The following MOCOS variants were observed in gnomAD, a reference collection of about 807,000 sequenced individuals.
The protein encoded by MOCOS is molybdenum cofactor sulfurase, also known as human molybdenum cofactor sulfurase.
In MOCOS, 86 loss-of-function variants were observed where a neutral mutation model predicts 83.6. That is an observed-to-expected ratio of 1.03 (90% CI 0.86 to 1.23). The LOEUF is 1.23. MOCOS is among the 50% of genes most tolerant of loss of function. The pLI is 0.00. For missense variants in MOCOS, 1,120 were observed against 1,126.9 expected (o/e 0.99, Z 0.09); for synonymous variants, 445 against 434.7 (o/e 1.02, Z -0.29).
chr18:36,252,245 G>A (rs914732105), intron 11 of MOCOS, among the ~76,000 whole-genome samples: 2 of 152,148 alleles, frequency 1.3e-5, no homozygotes, highest in African/African-American at 2.4e-5. Context: ...TAGAGTTTGG[G>A]TGTGGTAGCT....
intron 9 of MOCOS, among the ~76,000 whole-genome samples, chr18:36,220,832 G>A (rs2091493368): frequency 6.6e-6 from 1 of 152,072 alleles, no homozygotes; most frequent in African/African-American, 2.4e-5. Context: ...GGGAGGCTGA[G>A]GCAGGAGTAT....
intron 13 of MOCOS, among the ~76,000 whole-genome samples, chr18:36,266,195 G>C (rs1208996805): frequency 1.3e-5 from 2 of 152,140 alleles, no homozygotes; most frequent in Non-Finnish European, 2.9e-5. Context: ...CAGTGCAGTG[G>C]TGCGTTCTTG....
chr18:36,194,345 GA>G (rs1237106768), intron 1 of MOCOS, among the ~76,000 whole-genome samples: 2 of 152,200 alleles, frequency 1.3e-5, no homozygotes, highest in Non-Finnish European at 2.9e-5. Flanking sequence ...ATAAGTGAAT[GA>G]ATGGATCTCT....
intron 12 of MOCOS, among the ~76,000 whole-genome samples, chr18:36,259,621 C>T (rs2091655438): frequency 6.6e-6 from 1 of 151,446 alleles, no homozygotes; most frequent in Admixed American, 6.6e-5. Flanking sequence ...AATGAGATCT[C>T]AGTGCTTCTT....
intron 9 of MOCOS, among the ~76,000 whole-genome samples, chr18:36,229,778 T>C (rs1325422153): frequency 6.6e-6 from 1 of 152,010 alleles, no homozygotes; most frequent in African/African-American, 2.4e-5. Context: ...GCTGATCTAG[T>C]CTGCTGTTGA....
Position 36,195,324 on chromosome 18 carries a change from T to G in MOCOS, c.210T>G (p.Ser70Arg). 1 of 1,614,146 alleles carries G rather than the reference T, an allele frequency of 6.2e-7. No homozygotes were observed. The highest frequency in any genetic ancestry group is 8.5e-7 in the Non-Finnish European group (1 of 1,179,964). ...AGAGCCAGCTCGAAAGCTTCACTAG[T>G]GATCTCATGGAAAACACTTATGGTA... ...FSQSQLESFTSDLMENTYGNP... is the reference protein window; with the variant it reads ...FSQSQLESFTRDLMENTYGNP... Residue 70 changes from serine (S) to arginine (R), a missense_variant, in exon 2 of 15, where the codon AGT (serine) becomes AGG (arginine). Ser to Arg is a moderately radical substitution (Grantham distance 110). Coordinates refer to ENST00000261326, the MANE Select transcript of MOCOS (RefSeq NM_017947.4).
At chr18:36,251,102 T>C (rs1251789119) in intron 10 of MOCOS, 57 bp from the exon 11 acceptor site, 1 of 1,567,370 alleles carries the variant, frequency 6.4e-7, no homozygotes, top group African/African-American at 1.4e-5. Context: ...GCAATTCAGA[T>C]TATTATTTAA....
chr18:36,213,486 G>T lies in MOCOS; in HGVS notation c.1335+4G>T, dbSNP rs779711486. On this transcript the variant is annotated splice_donor_region_variant and intron_variant, in intron 7 of 14. Coordinates refer to ENST00000261326, the MANE Select transcript of MOCOS (RefSeq NM_017947.4). ...GATGGTCAGGAAGCATTTTCAGGTT[G>T]GTACAGGGCTCTGCGATCCAGACGC... The T allele has an allele frequency of 6.2e-7, 1 of 1,610,648 alleles. No homozygotes were observed. The highest frequency in any genetic ancestry group is 1.1e-5 in the South Asian group (1 of 90,986).
intron 9 of MOCOS, among the ~76,000 whole-genome samples, chr18:36,220,775 G>A (rs1216942573): frequency 2.0e-5 from 3 of 151,610 alleles, no homozygotes; most frequent in Admixed American, 6.6e-5. Flanking sequence ...ACAAAAAGAA[G>A]CTGGGCATGG....
At position 36,256,967 on chromosome 18, in the gene MOCOS, G is replaced by A; in HGVS notation, c.2165-1G>A. 6.2e-7 allele frequency: 1 copy of A among 1,612,518 alleles called. No homozygotes were observed. Among genetic ancestry groups the A allele is most frequent in the South Asian group, 1.1e-5 (1 of 91,030 alleles). ...TCTTTTAAATGCTCCATCATTTTCA[G>A]ATCAACTTCCTGGTACAATGGCCAC... On this transcript the variant is annotated splice_acceptor_variant, in intron 11 of 14. Coordinates refer to ENST00000261326, the MANE Select transcript of MOCOS (RefSeq NM_017947.4). LOFTEE classifies it high-confidence loss of function.
At chr18:36,234,889 A>G (rs2091552071) in intron 9 of MOCOS, among the ~76,000 whole-genome samples, 1 of 152,158 alleles carries the variant, frequency 6.6e-6, no homozygotes, top group African/African-American at 2.4e-5. Context: ...CCAAACATTT[A>G]TAAAACCATC....
In MOCOS at chr18:36,238,718, A is replaced by G. The variant is rs927337991; in HGVS notation, c.1961-10204A>G. 5.4e-3 allele frequency among the ~76,000 whole-genome samples: 572 copies of G among 105,968 alleles called. 81 individuals are homozygous for G. Among genetic ancestry groups the G allele is most frequent in the Non-Finnish European group, 7.5e-3 (334 of 44,316 alleles). The allele number at this position is 105,968 out of a possible 152,430, so 69.5% of individuals were successfully genotyped here. On this transcript the variant is annotated intron_variant, in intron 9 of 14. Coordinates refer to ENST00000261326, the MANE Select transcript of MOCOS (RefSeq NM_017947.4). ...GACTTTCTGTCTCGTTGATCTGTCT[A>G]ATGTTTACAGTGGGGTGTTAAAGTC...
At chr18:36,237,688 A>G (rs1468502118) in intron 9 of MOCOS, among the ~76,000 whole-genome samples, 1 of 151,946 alleles carries the variant, frequency 6.6e-6, no homozygotes, top group Non-Finnish European at 1.5e-5. Context: ...TATTGATTGG[A>G]ATAGTTTCAG....
chr18:36,209,504 C>A (rs370575104), intron 6 of MOCOS, among the ~76,000 whole-genome samples: 15 of 152,236 alleles, frequency 9.9e-5, no homozygotes, highest in African/African-American at 3.1e-4. Context: ...ACCCTTCCCC[C>A]CTGAGTCCCC....
In MOCOS at chr18:36,228,384, G is replaced by A. The variant is rs140334940; in HGVS notation, c.1960+8167G>A. Among the ~76,000 whole-genome samples, 421 of 152,182 alleles carry A rather than the reference G, an allele frequency of 2.8e-3. 3 individuals are homozygous for A. Among genetic ancestry groups the A allele is most frequent in the African/African-American group, 8.3e-3 (345 of 41,518 alleles). On this transcript the variant is annotated intron_variant, in intron 9 of 14. Transcript: ENST00000261326. ...ATTATAAAAACACATGCATGCATACGTACATTTGTGACACAATTCACAATA... is the reference window on the plus strand; with the variant it reads ...ATTATAAAAACACATGCATGCATACATACATTTGTGACACAATTCACAATA...
At chr18:36,222,499 T>C (rs1375372638) in intron 9 of MOCOS, among the ~76,000 whole-genome samples, 3 of 152,166 alleles carry the variant, frequency 2.0e-5, no homozygotes, top group Non-Finnish European at 4.4e-5. Flanking sequence ...ATTAGTGATG[T>C]TAAACATTTT....
chr18:36,221,619 G>T (rs1490766779), intron 9 of MOCOS, among the ~76,000 whole-genome samples: 1 of 108,792 alleles, frequency 9.2e-6, no homozygotes, highest in African/African-American at 3.5e-5. Context: ...GTTCTGTTCT[G>T]TTCTGTTCTG....
At chr18:36,263,613 A>G (rs751674052) in intron 13 of MOCOS, among the ~76,000 whole-genome samples, 3 of 152,052 alleles carry the variant, frequency 2.0e-5, no homozygotes, top group South Asian at 2.1e-4. Context: ...ATGGTCTGGG[A>G]TGGTTTGGAT....
At chr18:36,267,262 C>A (rs2091685065) in intron 14 of MOCOS, among the ~76,000 whole-genome samples, 4 of 152,176 alleles carry the variant, frequency 2.6e-5, no homozygotes, top group Admixed American at 2.0e-4. Flanking sequence ...CCTGGAAATT[C>A]ATTTTCTTGA....
Sources: gnomAD v4.1 joint callset for allele counts (sites outside exome capture counted in the v4.1 genomes callset) on GRCh38, gnomAD v4.1.1 for gene constraint, MANE v1.5 for transcripts, NCBI Gene and HGNC (gene_info 2026-07-23, HGNC 2026-07-21) for gene names.